MPC1: variants seen among roughly 807,000 people sequenced by gnomAD.
The protein encoded by MPC1 is mitochondrial pyruvate carrier 1.
Under a neutral mutation model 13.9 loss-of-function variants are expected in MPC1, and 6 were observed. The observed-to-expected ratio is 0.43, with a 90% confidence interval of 0.24 to 0.85. MPC1 has a LOEUF of 0.85. Among genes scored for constraint, MPC1 ranks in the 40% least tolerant of loss-of-function variants. The pLI is 0.24. For missense variants in MPC1, 115 were observed against 143.3 expected (o/e 0.80, Z 1.01); for synonymous variants, 47 against 50.5 (o/e 0.93, Z 0.29).
At chr6:166,381,492 C>G (rs1452245570) in intron 1 of MPC1, among the ~76,000 whole-genome samples, 2 of 152,150 alleles carry the variant, frequency 1.3e-5, no homozygotes, top group Non-Finnish European at 2.9e-5. Context: ...GCTTTCATCT[C>G]TTTACCTCTT....
In MPC1 at chr6:166,370,238, C is replaced by A; in HGVS notation, c.72-17G>T. 1 of 773,494 alleles carries A rather than the reference C, an allele frequency of 1.3e-6. No homozygotes were observed. The highest frequency in any genetic ancestry group is 1.4e-5 in the South Asian group (1 of 73,818). The allele number at this position is 773,494 out of a possible 1,614,324, so 47.9% of individuals were successfully genotyped here. Reference sequence around the variant, plus strand: ...CTTACCGTACTATTTTGTGAAGAGTCACCGAAGTTCAGACAGGACAGACAT... The same window carrying A: ...CTTACCGTACTATTTTGTGAAGAGTAACCGAAGTTCAGACAGGACAGACAT... On this transcript the variant is annotated splice_polypyrimidine_tract_variant and intron_variant, in intron 1 of 4. Coordinates refer to ENST00000360961, the MANE Select transcript of MPC1 (RefSeq NM_016098.4).
chr6:166,382,751 G>T, intron 1 of MPC1, 55 bp downstream of exon 1: 1 of 1,514,274 alleles, frequency 6.6e-7, no homozygotes, highest in Non-Finnish European at 8.9e-7. Flanking sequence ...TGCACGGGTC[G>T]CAGCCTCCCG....
At position 166,366,210 on chromosome 6, in the gene MPC1, C is replaced by G. The variant is rs1779147217; in HGVS notation, c.173-104G>C. 6 of 1,293,928 alleles carry G rather than the reference C, an allele frequency of 4.6e-6. No individual in the cohort carries two copies. In the South Asian group the frequency reaches 7.7e-5, roughly 17 times the overall value. The allele number at this position is 1,293,928 out of a possible 1,614,324, so 80.2% of individuals were successfully genotyped here. A position where few individuals can be genotyped will look rare whatever the true frequency, so the allele number is the denominator to read the frequency against. Reference sequence around the variant, plus strand: ...TCCATTGCCCTGATCAAAAAAGAACCTCTTCTGCGAAAGCCTTTGACAGAT... The same window carrying G: ...TCCATTGCCCTGATCAAAAAAGAACGTCTTCTGCGAAAGCCTTTGACAGAT... On this transcript the variant is annotated intron_variant, in intron 3 of 4. Transcript: ENST00000360961.
intron 1 of MPC1, among the ~76,000 whole-genome samples, chr6:166,373,316 C>T (rs763665895): frequency 2.6e-5 from 4 of 152,180 alleles, no homozygotes; most frequent in African/African-American, 9.7e-5. Flanking sequence ...TTGCAACCAC[C>T]GATCTTTCGA....
intron 2 of MPC1, chr6:166,368,659 T>C: frequency 1.7e-6 from 1 of 597,768 alleles, no homozygotes; most frequent in Non-Finnish European, 2.1e-6. Flanking sequence ...AGATGCAATA[T>C]GGCCAGTTTT....
At chr6:166,377,421 T>C (rs1428485845) in intron 1 of MPC1, among the ~76,000 whole-genome samples, 1 of 152,134 alleles carries the variant, frequency 6.6e-6, no homozygotes, top group Non-Finnish European at 1.5e-5. Context: ...CAGGAGGAGA[T>C]TTGAAAAGGA....
At chr6:166,373,853 T>C (rs1454335748) in intron 1 of MPC1, among the ~76,000 whole-genome samples, 1 of 134,616 alleles carries the variant, frequency 7.4e-6, no homozygotes, top group African/African-American at 2.6e-5. Flanking sequence ...AGAACAGTGG[T>C]GTCCAATCTT....
intron 1 of MPC1, among the ~76,000 whole-genome samples, chr6:166,374,880 C>T (rs1779513686): frequency 6.6e-6 from 1 of 152,144 alleles, no homozygotes; most frequent in African/African-American, 2.4e-5. Flanking sequence ...AATGTCAGTC[C>T]TCCAACTTTG....
At chr6:166,371,642 C>T (rs2114957475) in intron 1 of MPC1, among the ~76,000 whole-genome samples, 1 of 152,238 alleles carries the variant, frequency 6.6e-6, no homozygotes, top group African/African-American at 2.4e-5. Context: ...GTTGATGGTG[C>T]TAATAATACA....
At chr6:166,370,474 A>G (rs918027072) in intron 1 of MPC1, 1 of 468,276 alleles carries the variant, frequency 2.1e-6, no homozygotes, top group African/African-American at 2.0e-5. Context: ...CAATCCTTAG[A>G]GCAGAACTGT....
intron 1 of MPC1, among the ~76,000 whole-genome samples, chr6:166,374,988 T>C (rs1779518092): frequency 6.6e-6 from 1 of 152,218 alleles, no homozygotes; most frequent in African/African-American, 2.4e-5. Flanking sequence ...AATAACGTGC[T>C]GGGATTTTAA....
Position 166,365,939 on chromosome 6 carries a change from CT to C in MPC1, c.305+34del. 6.2e-7 allele frequency: 1 copy of C among 1,603,158 alleles called. No homozygotes were observed. Among genetic ancestry groups the C allele is most frequent in the South Asian group, 1.1e-5 (1 of 90,546 alleles). On this transcript the variant is annotated intron_variant, in intron 4 of 4. Transcript: ENST00000360961. This position sits in a 1 kb window ranked among gnomAD's most constrained non-coding sequence, Gnocchi z 4.2. ...TCACTCTCCCCAATTCCTCAAATTCCTGAAAAGAAAGTAACTAAATTGAAAT... is the reference window on the plus strand; with the variant it reads ...TCACTCTCCCCAATTCCTCAAATTCCGAAAAGAAAGTAACTAAATTGAAAT...
Position 166,365,371 on chromosome 6 carries a change from G to C in MPC1, c.*58C>G. 7.1e-7 allele frequency: 1 copy of C among 1,404,176 alleles called. No homozygotes were observed. The highest frequency in any genetic ancestry group is 2.6e-5 in the East Asian group (1 of 38,050). 87.0% of individuals were successfully genotyped at this position (1,404,176 alleles called of 1,614,324 possible). A position where few individuals can be genotyped will look rare whatever the true frequency, so the allele number is the denominator to read the frequency against. On this transcript the variant is annotated 3_prime_UTR_variant, in exon 5 of 5. Transcript: ENST00000360961. This position sits in a 1 kb window ranked among gnomAD's most constrained non-coding sequence, Gnocchi z 4.2. Reference sequence around the variant, plus strand: ...GGAGGCTATTTATAATGAAATCTGTGACTCAGCAGCAGCTGGCAATGCTGT... The same window carrying C: ...GGAGGCTATTTATAATGAAATCTGTCACTCAGCAGCAGCTGGCAATGCTGT...
chr6:166,377,214 C>T (rs187285668), intron 1 of MPC1, among the ~76,000 whole-genome samples: 169 of 151,546 alleles, frequency 1.1e-3, no homozygotes, highest in African/African-American at 3.8e-3. Flanking sequence ...AGACCCATGC[C>T]GGCACCCAGG....
chr6:166,365,312 T>A lies in MPC1; in HGVS notation c.*117A>T. On this transcript the variant is annotated 3_prime_UTR_variant, in exon 5 of 5. Coordinates refer to ENST00000360961, the MANE Select transcript of MPC1 (RefSeq NM_016098.4). This position sits in a 1 kb window ranked among gnomAD's most constrained non-coding sequence, Gnocchi z 4.2. Reference sequence around the variant, plus strand: ...AGCTATTTCTATAAAAATAGAATGGTTAGTAAAAATAGCATTCAGTGTATT... The same window carrying A: ...AGCTATTTCTATAAAAATAGAATGGATAGTAAAAATAGCATTCAGTGTATT... 1.3e-6 allele frequency: 1 copy of A among 783,304 alleles called. No individual in the cohort carries two copies. The highest frequency in any genetic ancestry group is 4.0e-5 in the Admixed American group (1 of 24,882). The allele number at this position is 783,304 out of a possible 1,614,324, so 48.5% of individuals were successfully genotyped here.
In MPC1 at chr6:166,366,806, C is replaced by G; in HGVS notation, c.161G>C (p.Arg54Pro). 6.2e-7 allele frequency: 1 copy of G among 1,613,948 alleles called. No individual in the cohort carries two copies. Among genetic ancestry groups the G allele is most frequent in the Non-Finnish European group, 8.5e-7 (1 of 1,179,876 alleles). ...MKKSPEIISGRMTFALCCYSL... is the reference protein window; with the variant it reads ...MKKSPEIISGPMTFALCCYSL... ...ATCTGCATTCTTACCAAATGTCATC[C>G]GCCCACTGATAATCTCTGGAGACTT... Residue 54 changes from arginine to proline, a missense_variant, in exon 3 of 5, where the codon CGG becomes CCG. By Grantham distance (103) the Arg-to-Pro change is moderately radical (BLOSUM62 -2). Around this residue, in one of 3 missense-constraint regions of MPC1, gnomAD observed 71 missense variants for 88.5 expected, o/e 0.80. Coordinates refer to ENST00000360961, the MANE Select transcript of MPC1 (RefSeq NM_016098.4).
At chr6:166,377,177 C>G (rs1253304337) in intron 1 of MPC1, among the ~76,000 whole-genome samples, 6 of 140,156 alleles carry the variant, frequency 4.3e-5, no homozygotes, top group African/African-American at 1.3e-4. Context: ...CAGTCTCGCT[C>G]TGTTAGCCAG....
At chr6:166,378,153 A>C (rs572779278) in intron 1 of MPC1, among the ~76,000 whole-genome samples, 37 of 152,242 alleles carry the variant, frequency 2.4e-4, no homozygotes, top group Non-Finnish European at 4.0e-4. Context: ...GCCTGTTCCA[A>C]CTCTAATATT....
intron 2 of MPC1, 151 bp from the exon 3 acceptor site, chr6:166,367,042 G>T (rs546635527): frequency 6.6e-7 from 1 of 1,506,916 alleles, no homozygotes; most frequent in Non-Finnish European, 8.9e-7. Flanking sequence ...TTAATTGATG[G>T]TTAACATTTA....
Sources: allele counts gnomAD v4.1 joint callset (sites outside exome capture counted in the v4.1 genomes callset), GRCh38; gene constraint gnomAD v4.1.1; regional missense constraint gnomAD v4.1.1; non-coding constraint Gnocchi (gnomAD v3.1); transcripts MANE v1.5; gene names NCBI Gene and HGNC (gene_info 2026-07-23, HGNC 2026-07-21).